MYO1D: variants seen among roughly 807,000 people sequenced by gnomAD.
The protein encoded by MYO1D is myosin ID.
A neutral mutation model predicts 122.0 loss-of-function variants in MYO1D; 83 were observed. The ratio of observed to expected loss-of-function variants is 0.68; its 90% CI spans 0.57 to 0.82. The LOEUF (loss-of-function observed/expected upper bound fraction) is 0.82. Among genes scored for constraint, MYO1D ranks in the 40% least tolerant of loss-of-function variants. MYO1D has a pLI of 0.00. For missense variants in MYO1D, 1,157 were observed against 1,269.5 expected, an observed-to-expected ratio of 0.91 and a Z score of 1.35; for synonymous variants, 464 against 446.9, an observed-to-expected ratio of 1.04 and a Z score of -0.48.
intron 1 of MYO1D, among the ~76,000 whole-genome samples, chr17:32,869,752 T>C (rs1301881961): frequency 2.0e-5 from 3 of 152,078 alleles, no homozygotes; most frequent in Non-Finnish European, 4.4e-5. Flanking sequence ...ATCTCTTTAA[T>C]GTAAAAGTAG....
chr17:32,527,584 G>C (rs1910380983), intron 21 of MYO1D, among the ~76,000 whole-genome samples: 1 of 152,132 alleles, frequency 6.6e-6, no homozygotes, highest in Non-Finnish European at 1.5e-5. Context: ...CTTGAGCCCA[G>C]GAGTTTCAGA....
chr17:32,580,033 G>T (rs1302257373), intron 21 of MYO1D, among the ~76,000 whole-genome samples: 1 of 152,088 alleles, frequency 6.6e-6, no homozygotes, highest in Non-Finnish European at 1.5e-5. Context: ...ATGTGGCAGG[G>T]ATATGTTTAG....
chr17:32,788,816 C>G (rs567169928), intron 1 of MYO1D, among the ~76,000 whole-genome samples: 1 of 152,146 alleles, frequency 6.6e-6, no homozygotes, highest in African/African-American at 2.4e-5. Context: ...ATAGGAATTG[C>G]ATTAAATCTA....
chr17:32,603,645 C>T (rs1168042021), intron 21 of MYO1D, among the ~76,000 whole-genome samples: 1 of 151,434 alleles, frequency 6.6e-6, no homozygotes, highest in Non-Finnish European at 1.5e-5. Context: ...CCTGCCTCAG[C>T]CTCCTGAGTA....
rs1412640795 is a variant in MYO1D at position 32,703,744 on chromosome 17, ATT to A, written c.2121+8242_2121+8243del. Among the ~76,000 whole-genome samples the A allele has an allele frequency of 2.0e-5, 3 of 152,202 alleles. No homozygotes were observed. The South Asian group carries it at 6.2e-4, about 31-fold the overall frequency. ...CTGAATGGTTACAGAATATTAGAGG[ATT>A]ATAAATCTTTGTTATGCATTTGGTA... is the stretch of plus-strand genomic sequence containing the variant. On this transcript the variant is annotated intron_variant, in intron 16 of 21. Coordinates refer to ENST00000318217, the MANE Select transcript of MYO1D (RefSeq NM_015194.3).
At chr17:32,526,113 G>A (rs1055851175) in intron 21 of MYO1D, among the ~76,000 whole-genome samples, 4 of 152,126 alleles carry the variant, frequency 2.6e-5, no homozygotes, top group Non-Finnish European at 5.9e-5. Flanking sequence ...CCCCTTTGAC[G>A]TATATCCCCT....
rs796172635 is a variant in MYO1D, at chr17:32,495,175, G to A, written c.2865-260C>T. 5.3e-5 allele frequency among the ~76,000 whole-genome samples: 8 copies of A among 152,350 alleles called. 1 individual carries two copies. Among genetic ancestry groups the A allele is most frequent in the African/African-American group, 1.9e-4 (8 of 41,582 alleles). ...GGACTGGACAGTGGAGGGCCATGTG[G>A]TTGAACAGACGCCACCAGGTCTCTG... On this transcript the variant is annotated intron_variant, in intron 21 of 21. Transcript: ENST00000318217.
intron 21 of MYO1D, among the ~76,000 whole-genome samples, chr17:32,514,501 A>C (rs1909818550): frequency 6.6e-6 from 1 of 152,238 alleles, no homozygotes; most frequent in Non-Finnish European, 1.5e-5. Flanking sequence ...AAAAAACACT[A>C]TTCTTAGAAG....
chr17:32,671,487 C>A (rs1324251800), intron 16 of MYO1D, among the ~76,000 whole-genome samples: 2 of 152,184 alleles, frequency 1.3e-5, no homozygotes, highest in Non-Finnish European at 2.9e-5. Context: ...ATTATTCTTG[C>A]AACTTTTCTG....
chr17:32,494,828 C>T lies in MYO1D; in HGVS notation c.2952G>A (p.Arg984=). The T allele has an allele frequency of 6.2e-7, 1 of 1,613,700 alleles. No individual in the cohort carries two copies. Among genetic ancestry groups the T allele is most frequent in the East Asian group, 2.2e-5 (1 of 44,834 alleles). ...TGAAGTCGGGCTGGGGCTGGTTGAG[C>T]CGCGTCTCCACGGAGACGGTGCACT... The part of the protein sequence containing the change: ...GKKCTVSVET[R]LNQPQPDFTK... Residue 984 remains arginine (R), a synonymous_variant, in exon 22 of 22, where the codon CGG becomes CGA. Coordinates refer to ENST00000318217, the MANE Select transcript of MYO1D (RefSeq NM_015194.3).
chr17:32,834,690 C>T (rs2090804677), intron 1 of MYO1D, among the ~76,000 whole-genome samples: 2 of 152,204 alleles, frequency 1.3e-5, no homozygotes, highest in Non-Finnish European at 2.9e-5. Context: ...CTGGAGTTAC[C>T]TGCCCCAAAA....
intron 1 of MYO1D, among the ~76,000 whole-genome samples, chr17:32,860,198 G>C (rs17781142): frequency 0.14 from 21,783 of 152,222 alleles, 1,999 homozygotes; most frequent in Middle Eastern, 0.28. Flanking sequence ...GCAAAACCAA[G>C]GGAATCACAG....
At chr17:32,669,291 G>A (rs1567939587) in intron 16 of MYO1D, among the ~76,000 whole-genome samples, 1 of 152,178 alleles carries the variant, frequency 6.6e-6, no homozygotes. Flanking sequence ...CACCACCAGA[G>A]AGGAAGAGTC....
intron 21 of MYO1D, among the ~76,000 whole-genome samples, chr17:32,571,171 G>A (rs2087223597): frequency 6.6e-6 from 1 of 152,132 alleles, no homozygotes; most frequent in African/African-American, 2.4e-5. Flanking sequence ...AAGTATCTGT[G>A]GGGCTTGCTG....
At chr17:32,705,972 C>G (rs1264455287) in intron 16 of MYO1D, among the ~76,000 whole-genome samples, 1 of 152,178 alleles carries the variant, frequency 6.6e-6, no homozygotes, top group Non-Finnish European at 1.5e-5. Context: ...TGAGGCCTCC[C>G]AAGTCATGTG....
chr17:32,675,459 G>A (rs549185337), intron 16 of MYO1D, among the ~76,000 whole-genome samples: 55 of 152,086 alleles, frequency 3.6e-4, no homozygotes, highest in African/African-American at 1.3e-3. Flanking sequence ...CTTCCTAAAT[G>A]TTTTATAACA....
chr17:32,685,141 T>A (rs187786199), intron 16 of MYO1D, among the ~76,000 whole-genome samples: 32 of 152,330 alleles, frequency 2.1e-4, no homozygotes, highest in African/African-American at 7.2e-4. Context: ...AAACGCTGTG[T>A]GTCATTCATT....
At chr17:32,716,004 T>C (rs1298698984) in intron 15 of MYO1D, among the ~76,000 whole-genome samples, 1 of 151,498 alleles carries the variant, frequency 6.6e-6, no homozygotes. Flanking sequence ...TAAATTATTT[T>C]CCATTTCCTT....
At chr17:32,743,995 A>C (rs1483160461) in intron 13 of MYO1D, among the ~76,000 whole-genome samples, 2 of 152,196 alleles carry the variant, frequency 1.3e-5, no homozygotes, top group Non-Finnish European at 2.9e-5. Flanking sequence ...TTTACATAGT[A>C]GTAGCAGCAG....
Sources: gnomAD v4.1 joint callset for allele counts (sites outside exome capture counted in the v4.1 genomes callset) on GRCh38, gnomAD v4.1.1 for gene constraint, MANE v1.5 for transcripts, NCBI Gene and HGNC (gene_info 2026-07-23, HGNC 2026-07-21) for gene names.